LONRF2: variants seen among roughly 807,000 people sequenced by gnomAD.
The protein encoded by LONRF2 is LON peptidase N-terminal domain and ring finger 2.
In LONRF2, 35 loss-of-function variants were observed where a neutral mutation model predicts 66.6. The ratio of observed to expected loss-of-function variants is 0.53; its 90% CI spans 0.40 to 0.70. The LOEUF (loss-of-function observed/expected upper bound fraction) is 0.70. LONRF2 is among the 30% of genes least tolerant of loss of function. LONRF2 has a pLI of 0.00. For synonymous variants in LONRF2, 417 were observed against 418.1 expected (o/e 1.00, Z 0.03); for missense variants, 902 against 1,002.1 (o/e 0.90, Z 1.35).
intron 3 of LONRF2, among the ~76,000 whole-genome samples, chr2:100,301,729 T>C (rs550752948): frequency 9.9e-5 from 15 of 152,250 alleles, no homozygotes; most frequent in Non-Finnish European, 1.9e-4. Flanking sequence ...ACCTAAACCC[T>C]GGTCCAGGAA....
chr2:100,307,825 A>G (rs767176880), intron 2 of LONRF2, among the ~76,000 whole-genome samples: 3 of 152,244 alleles, frequency 2.0e-5, no homozygotes, highest in Non-Finnish European at 4.4e-5. Flanking sequence ...ACATGTTTCA[A>G]ATCTACATAT....
At chr2:100,289,637 C>T (rs1020779413) in intron 10 of LONRF2, among the ~76,000 whole-genome samples, 6 of 151,894 alleles carry the variant, frequency 4.0e-5, no homozygotes, top group Middle Eastern at 3.2e-3. Flanking sequence ...AGGGTTTCAC[C>T]GTATTAGCCA....
chr2:100,287,080 G>T lies in LONRF2; in HGVS notation c.1921-17C>A. 6.2e-7 allele frequency: 1 copy of T among 1,611,622 alleles called. No individual in the cohort carries two copies. On this transcript the variant is annotated splice_polypyrimidine_tract_variant and intron_variant, in intron 10 of 11. Transcript: ENST00000393437. ...ACCCTCCACCTGATCAGGGAAAGAG[G>T]CACAGCTGTGTGAACCATTCACAGT...
rs916044854 is a variant in LONRF2, at chr2:100,276,745, A to C, written c.*7553T>G. The C allele has an allele frequency of 6.6e-5, 10 of 152,210 alleles. No homozygotes were observed. Among genetic ancestry groups the C allele is most frequent in the Admixed American group, 5.9e-4 (9 of 15,288 alleles). 9.4% of individuals were successfully genotyped at this position (152,210 alleles called of 1,614,324 possible). A position where few individuals can be genotyped will look rare whatever the true frequency, so the allele number is the denominator to read the frequency against. ...TTATTAAAATTATTAATTCTACACA[A>C]TAAATAACTGGCCAATATTTTGCTC... On this transcript the variant is annotated 3_prime_UTR_variant, in exon 12 of 12. Transcript: ENST00000393437.
chr2:100,284,386 A>T lies in LONRF2; in HGVS notation c.2177T>A (p.Leu726His). 6.2e-7 allele frequency: 1 copy of T among 1,600,752 alleles called. No homozygotes were observed. Among genetic ancestry groups the T allele is most frequent in the Non-Finnish European group, 8.5e-7 (1 of 1,173,554 alleles). Residue 726 changes from leucine to histidine, a missense_variant, in exon 12 of 12, where the codon CTC becomes CAC. Around this residue, in one of 2 missense-constraint regions of LONRF2, gnomAD observed 317 missense variants for 432.2 expected, o/e 0.73. Coordinates refer to ENST00000393437, the MANE Select transcript of LONRF2 (RefSeq NM_198461.4). ...GACTAATATCCGTCGGATGGCAAGG[A>T]GCCGCTCTTTGAGCGAGGTCATGCC... ...ILGMTSLKER[L>H]LAIRRILVII...
At chr2:100,286,823 G>A in intron 11 of LONRF2, 91 bp downstream of exon 11, 1 of 1,441,050 alleles carries the variant, frequency 6.9e-7, no homozygotes, top group Non-Finnish European at 9.4e-7. Flanking sequence ...GGGGTAACCA[G>A]CATCATACTG....
intron 1 of LONRF2, among the ~76,000 whole-genome samples, chr2:100,320,128 A>C (rs1014703027): frequency 6.6e-6 from 1 of 152,240 alleles, no homozygotes; most frequent in East Asian, 1.9e-4. Context: ...GCATGTTGAA[A>C]TAATATTTTG....
At chr2:100,305,480 T>C (rs1204545576) in intron 2 of LONRF2, among the ~76,000 whole-genome samples, 4 of 152,180 alleles carry the variant, frequency 2.6e-5, no homozygotes, top group Non-Finnish European at 5.9e-5. Flanking sequence ...TGAAGGTCTA[T>C]TTTCAGGTCC....
intron 8 of LONRF2, 152 bp downstream of exon 8, chr2:100,295,280 A>G: frequency 1.6e-6 from 1 of 609,180 alleles, no homozygotes. Flanking sequence ...ACTGCTTGCA[A>G]TTATGTTTCC....
chr2:100,284,395 T>C lies in LONRF2; in HGVS notation c.2168A>G (p.Lys723Arg). 6.2e-7 allele frequency: 1 copy of C among 1,602,902 alleles called. No homozygotes were observed. ...QLAILGMTSLKERLLAIRRIL... is the reference protein window; with the variant it reads ...QLAILGMTSLRERLLAIRRIL... ...CCGTCGGATGGCAAGGAGCCGCTCT[T>C]TGAGCGAGGTCATGCCGAGGATGGC... Residue 723 changes from lysine to arginine, a missense_variant, in exon 12 of 12, where the codon AAA becomes AGA. Physicochemically the swap from Lys to Arg is conservative, Grantham distance 26. Coordinates refer to ENST00000393437, the MANE Select transcript of LONRF2 (RefSeq NM_198461.4).
At chr2:100,309,004 T>C (rs1333103268) in intron 2 of LONRF2, 103 bp downstream of exon 2, 4 of 720,836 alleles carry the variant, frequency 5.5e-6, no homozygotes, top group South Asian at 4.7e-5. Context: ...GAGGGAAACA[T>C]ACTTTGTCTA....
At chr2:100,313,608 G>T (rs1045178307) in intron 1 of LONRF2, among the ~76,000 whole-genome samples, 1 of 152,172 alleles carries the variant, frequency 6.6e-6, no homozygotes, top group African/African-American at 2.4e-5. Flanking sequence ...TATTCAAATT[G>T]ATGGAAGACT....
Position 100,281,688 on chromosome 2 carries a change from G to GC in LONRF2, c.*2609_*2610insG, listed in dbSNP as rs1480409471. The GC allele has an allele frequency of 6.6e-6, 1 of 152,140 alleles. No homozygotes were observed. Among genetic ancestry groups the GC allele is most frequent in the Non-Finnish European group, 1.5e-5 (1 of 68,020 alleles). 9.4% of individuals were successfully genotyped at this position (152,140 alleles called of 1,614,324 possible). On this transcript the variant is annotated 3_prime_UTR_variant, in exon 12 of 12. Transcript: ENST00000393437. ...TACTCTTTTCTGCTTTGATTCCAAT[G>GC]TAACGAGAGCATGCCTATTGGAGCA...
In LONRF2 at chr2:100,321,661, G is replaced by C; in HGVS notation, c.433C>G (p.Arg145Gly). 2 of 1,372,302 alleles carry C rather than the reference G, an allele frequency of 1.5e-6. No homozygotes were observed. Among genetic ancestry groups the C allele is most frequent in the Non-Finnish European group, 1.9e-6 (2 of 1,062,786 alleles). 85.0% of individuals were successfully genotyped at this position (1,372,302 alleles called of 1,614,324 possible). ...GGCTTATGCAGCAGCCGCCGGCAGC[G>C]CGGGCAGCCGAGCAGGTCGCGGGGC... ...RAPRDLLGCP[R>G]CRRLLHKPVT... The change falls in exon 1 of 12, where the codon CGC becomes GGC. Residue 145 changes from arginine (R) to glycine (G), a missense_variant. By Grantham distance (125) the Arg-to-Gly change is moderately radical (BLOSUM62 -2). This residue lies in a region of LONRF2 where 585 missense variants were observed against 569.9 expected (regional missense o/e 1.03). Transcript: ENST00000393437.
At chr2:100,294,131 TG>T in intron 9 of LONRF2, 97 bp downstream of exon 9, 1 of 1,420,486 alleles carries the variant, frequency 7.0e-7, no homozygotes, top group Non-Finnish European at 9.7e-7. Context: ...CGGGAGCCAC[TG>T]GAGGTTTTCA....
chr2:100,285,913 G>A (rs1040028008), intron 11 of LONRF2, among the ~76,000 whole-genome samples: 1 of 152,104 alleles, frequency 6.6e-6, no homozygotes, highest in Non-Finnish European at 1.5e-5. Flanking sequence ...TAATATACCC[G>A]CCAAGTAGAG....
At chr2:100,314,424 T>A (rs1191701522) in intron 1 of LONRF2, among the ~76,000 whole-genome samples, 1 of 152,238 alleles carries the variant, frequency 6.6e-6, no homozygotes, top group Non-Finnish European at 1.5e-5. Context: ...TAGTTTCAGC[T>A]AAAGTTGTTT....
At chr2:100,311,211 A>G (rs776498286) in intron 1 of LONRF2, among the ~76,000 whole-genome samples, 17 of 152,204 alleles carry the variant, frequency 1.1e-4, no homozygotes, top group Non-Finnish European at 2.4e-4. Context: ...AAGATTGGTG[A>G]AAATGCCTCA....
At chr2:100,302,186 C>T (rs1002216497) in intron 3 of LONRF2, among the ~76,000 whole-genome samples, 1 of 152,134 alleles carries the variant, frequency 6.6e-6, no homozygotes, top group Non-Finnish European at 1.5e-5. Context: ...ATCTTAGAAA[C>T]GCCACTCTGT....
Sources: gnomAD v4.1 joint callset for allele counts (sites outside exome capture counted in the v4.1 genomes callset) on GRCh38, gnomAD v4.1.1 for gene constraint, gnomAD v4.1.1 regional missense constraint, MANE v1.5 for transcripts, NCBI Gene and HGNC (gene_info 2026-07-23, HGNC 2026-07-21) for gene names.